COQ10B: variants seen among roughly 807,000 people sequenced by gnomAD.
The protein encoded by COQ10B is coenzyme Q-binding protein COQ10 homolog B, mitochondrial.
COQ10B carries 12 observed loss-of-function variants against 27.6 expected under a neutral mutation model. The observed-to-expected ratio is 0.43, with a 90% CI of 0.28 to 0.70. The LOEUF (loss-of-function observed/expected upper bound fraction) is 0.70. COQ10B is among the 30% of genes least tolerant of loss of function. The pLI, the probability that COQ10B is intolerant of heterozygous loss-of-function variation, is 0.17. For missense variants in COQ10B, 278 were observed against 288.7 expected, an observed-to-expected ratio of 0.96 and a Z score of 0.27; for synonymous variants, 115 against 103.0, an observed-to-expected ratio of 1.12 and a Z score of -0.71.
At chr2:197,472,095 T>C (rs916732454) in intron 4 of COQ10B, among the ~76,000 whole-genome samples, 1 of 151,896 alleles carries the variant, frequency 6.6e-6, no homozygotes, top group Non-Finnish European at 1.5e-5. Flanking sequence ...TAGGGAAATA[T>C]GGGTAATGGG....
chr2:197,453,788 G>A, intron 1 of COQ10B, 124 bp downstream of exon 1: 1 of 1,053,320 alleles, frequency 9.5e-7, no homozygotes, highest in Non-Finnish European at 1.4e-6. Flanking sequence ...CTTTAGAGGA[G>A]AAGGCTTTTT....
chr2:197,459,213 T>G (rs951886456), intron 1 of COQ10B, among the ~76,000 whole-genome samples: 1 of 152,210 alleles, frequency 6.6e-6, no homozygotes, highest in African/African-American at 2.4e-5. Flanking sequence ...TCACCCAGGC[T>G]GCAGTGCCCG....
At chr2:197,472,189 A>G (rs1274923471) in intron 4 of COQ10B, among the ~76,000 whole-genome samples, 1 of 152,024 alleles carries the variant, frequency 6.6e-6, no homozygotes, top group East Asian at 1.9e-4. Context: ...AAACATTTTA[A>G]TATTTAGAGG....
At chr2:197,463,716 C>T (rs1163608867) in intron 3 of COQ10B, among the ~76,000 whole-genome samples, 5 of 150,302 alleles carry the variant, frequency 3.3e-5, no homozygotes, top group Non-Finnish European at 7.4e-5. Context: ...GTGGGTCACC[C>T]GAGGTCAGGA....
intron 1 of COQ10B, chr2:197,453,961 C>A (rs769709730): frequency 1.1e-4 from 165 of 1,550,682 alleles, no homozygotes; most frequent in Non-Finnish European, 1.3e-4. Flanking sequence ...GTCTCCTCCC[C>A]TATGGCTTGT....
chr2:197,466,180 C>T (rs1349046895), intron 3 of COQ10B, among the ~76,000 whole-genome samples: 1 of 152,180 alleles, frequency 6.6e-6, no homozygotes, highest in Non-Finnish European at 1.5e-5. Flanking sequence ...CTTCCCTGCT[C>T]CCTCCTCCCA....
chr2:197,453,996 A>T, intron 1 of COQ10B: 3 of 1,550,898 alleles, frequency 1.9e-6, no homozygotes, highest in Non-Finnish European at 2.6e-6. Flanking sequence ...GAAAGTTTTA[A>T]CTTTGCGCAG....
chr2:197,461,700 G>T (rs2085760593), intron 2 of COQ10B, among the ~76,000 whole-genome samples: 1 of 150,720 alleles, frequency 6.6e-6, no homozygotes, highest in African/African-American at 2.4e-5. Context: ...CCAGGCTGTG[G>T]CATGATCTTC....
At chr2:197,466,611 G>T (rs1208556181) in intron 3 of COQ10B, among the ~76,000 whole-genome samples, 1 of 152,144 alleles carries the variant, frequency 6.6e-6, no homozygotes, top group African/African-American at 2.4e-5. Context: ...GATTATTGCA[G>T]ATTCAGAGAC....
At position 197,471,906 on chromosome 2, in the gene COQ10B, C is replaced by T. The variant is rs184603011; in HGVS notation, c.549+1735C>T. Among the ~76,000 whole-genome samples, 12 of 148,032 alleles carry T rather than the reference C, an allele frequency of 8.1e-5. No homozygotes were observed. The Admixed American group carries it at 8.2e-4, about 10-fold the overall frequency. Reference sequence around the variant, plus strand: ...GCAGTGATCTGAGATCGTACCACTGCACTCCAACCTGGGTGACAGAGTGAG... The same window carrying T: ...GCAGTGATCTGAGATCGTACCACTGTACTCCAACCTGGGTGACAGAGTGAG... On this transcript the variant is annotated intron_variant, in intron 4 of 4. Coordinates refer to ENST00000263960, the MANE Select transcript of COQ10B (RefSeq NM_025147.5).
chr2:197,465,176 C>T (rs930447821), intron 3 of COQ10B, among the ~76,000 whole-genome samples: 3 of 151,958 alleles, frequency 2.0e-5, no homozygotes, highest in African/African-American at 7.2e-5. Context: ...TGAACCACCG[C>T]ACCCATCCAG....
chr2:197,455,847 C>T (rs2085692284), intron 1 of COQ10B, among the ~76,000 whole-genome samples: 1 of 152,074 alleles, frequency 6.6e-6, no homozygotes, highest in South Asian at 2.1e-4. Context: ...GTGGTCCCAG[C>T]TCATTGGGAC....
chr2:197,454,333 T>C (rs1328748422), intron 1 of COQ10B: 3 of 486,896 alleles, frequency 6.2e-6, no homozygotes, highest in Non-Finnish European at 1.1e-5. Flanking sequence ...CTTTTACTAA[T>C]AACATTGTAA....
rs377656899 is a variant in COQ10B, at chr2:197,473,947, C to T, written c.*23C>T. 9.6e-6 allele frequency: 14 copies of T among 1,453,224 alleles called. No homozygotes were observed. The highest frequency in any genetic ancestry group is 1.3e-5 in the Non-Finnish European group (14 of 1,090,768). The allele number at this position is 1,453,224 out of a possible 1,614,324, so 90.0% of individuals were successfully genotyped here. A position where few individuals can be genotyped will look rare whatever the true frequency, so the allele number is the denominator to read the frequency against. Reference sequence around the variant, plus strand: ...TAAAGGCAAAAAAGAACTGGTGCCACCTGCTTCTGACTTTAGTTTGTTCAC... The same window carrying T: ...TAAAGGCAAAAAAGAACTGGTGCCATCTGCTTCTGACTTTAGTTTGTTCAC... On this transcript the variant is annotated 3_prime_UTR_variant, in exon 5 of 5. Coordinates refer to ENST00000263960, the MANE Select transcript of COQ10B (RefSeq NM_025147.5).
intron 1 of COQ10B, chr2:197,454,151 C>G (rs2085670777): frequency 6.5e-7 from 1 of 1,544,994 alleles, no homozygotes; most frequent in Non-Finnish European, 8.8e-7. Flanking sequence ...GTTTACAAAA[C>G]TAAATACAGC....
At chr2:197,456,279 C>T (rs1026496687) in intron 1 of COQ10B, among the ~76,000 whole-genome samples, 6 of 151,632 alleles carry the variant, frequency 4.0e-5, no homozygotes, top group Non-Finnish European at 8.8e-5. Context: ...TCCTGGCCAA[C>T]ATGGTGAAAC....
chr2:197,458,123 T>A (rs929708678), intron 1 of COQ10B, among the ~76,000 whole-genome samples: 6 of 151,236 alleles, frequency 4.0e-5, no homozygotes, highest in Non-Finnish European at 7.4e-5. Flanking sequence ...TTTCTTTTTT[T>A]TTTTTCTTCT....
At chr2:197,468,176 C>T (rs1003499843) in intron 3 of COQ10B, among the ~76,000 whole-genome samples, 17 of 152,068 alleles carry the variant, frequency 1.1e-4, no homozygotes, top group African/African-American at 3.9e-4. Context: ...TGTGGTGGCT[C>T]ACACCTGTAA....
intron 2 of COQ10B, among the ~76,000 whole-genome samples, chr2:197,460,326 C>G (rs891713387): frequency 2.6e-5 from 4 of 151,684 alleles, no homozygotes; most frequent in Admixed American, 1.3e-4. Context: ...CTTAGCCTCC[C>G]GAGTAGCAGG....
Sources: allele counts gnomAD v4.1 joint callset (sites outside exome capture counted in the v4.1 genomes callset), GRCh38; gene constraint gnomAD v4.1.1; transcripts MANE v1.5; gene names NCBI Gene and HGNC (gene_info 2026-07-23, HGNC 2026-07-21).